RBFOX1: variants seen among roughly 807,000 people sequenced by gnomAD.
RBFOX1 encodes RNA binding protein fox-1 homolog 1.
A neutral mutation model predicts 57.7 loss-of-function variants in RBFOX1; 8 were observed. The ratio of observed to expected loss-of-function variants is 0.14; its 90% CI spans 0.08 to 0.25. The LOEUF (loss-of-function observed/expected upper bound fraction) is 0.25, where lower values mean the gene tolerates loss of function less well. Among genes scored for constraint, RBFOX1 ranks in the 10% least tolerant of loss-of-function variants. RBFOX1 has a pLI of 1.00. For synonymous variants in RBFOX1, 326 were observed against 222.4 expected, an observed-to-expected ratio of 1.47 and a Z score of -4.15; for missense variants, 611 against 548.5, an observed-to-expected ratio of 1.11 and a Z score of -1.14.
At chr16:7,228,372 CATT>C (rs2093285101) in intron 4 of RBFOX1, among the ~76,000 whole-genome samples, 1 of 152,134 alleles carries the variant, frequency 6.6e-6, no homozygotes, top group South Asian at 2.1e-4. Flanking sequence ...CCCCCGCTGT[CATT>C]ATCAAGTGAG....
intron 1 of RBFOX1, among the ~76,000 whole-genome samples, chr16:5,386,920 G>A (rs1032200320): frequency 8.5e-5 from 13 of 152,132 alleles, no homozygotes; most frequent in Non-Finnish European, 5.9e-5. Context: ...GCGTGGTGGT[G>A]GGTGCCTGTA....
intron 4 of RBFOX1, among the ~76,000 whole-genome samples, chr16:5,968,159 C>G (rs1178839287): frequency 1.3e-5 from 2 of 152,150 alleles, no homozygotes; most frequent in African/African-American, 4.8e-5. Context: ...ACTGCAACCT[C>G]CACCTCCTGG....
intron 2 of RBFOX1, among the ~76,000 whole-genome samples, chr16:6,341,358 T>C (rs1208435305): frequency 6.6e-6 from 1 of 152,160 alleles, no homozygotes; most frequent in Non-Finnish European, 1.5e-5. Flanking sequence ...TTTTACCTCG[T>C]TCTTCTCCAT....
At chr16:6,216,589 G>A (rs973399040) in intron 1 of RBFOX1, among the ~76,000 whole-genome samples, 1 of 152,202 alleles carries the variant, frequency 6.6e-6, no homozygotes, top group African/African-American at 2.4e-5. Flanking sequence ...CAAAAGCAAA[G>A]TATCCAACAA....
chr16:6,648,362 C>A (rs767478500), intron 2 of RBFOX1, among the ~76,000 whole-genome samples: 1 of 148,748 alleles, frequency 6.7e-6, no homozygotes, highest in Non-Finnish European at 1.5e-5. Flanking sequence ...TAACTGGCTC[C>A]CAGGGGCATC....
At chr16:7,195,909 G>C (rs2086584502) in intron 4 of RBFOX1, among the ~76,000 whole-genome samples, 2 of 151,928 alleles carry the variant, frequency 1.3e-5, no homozygotes, top group African/African-American at 4.8e-5. Flanking sequence ...ATGTGTCACT[G>C]AATAAAGGTT....
intron 3 of RBFOX1, among the ~76,000 whole-genome samples, chr16:5,745,431 GA>G (rs1350531905): frequency 6.6e-6 from 1 of 152,170 alleles, no homozygotes; most frequent in Non-Finnish European, 1.5e-5. Context: ...ATAGCAGCAT[GA>G]TTTACAATCC....
intron 1 of RBFOX1, among the ~76,000 whole-genome samples, chr16:6,103,688 G>A (rs989017226): frequency 1.3e-5 from 2 of 152,074 alleles, no homozygotes; most frequent in Non-Finnish European, 2.9e-5. Context: ...AGGATCTGGG[G>A]GTGGGAAATG....
chr16:5,826,791 A>G (rs1461926521), intron 3 of RBFOX1, among the ~76,000 whole-genome samples: 1 of 152,188 alleles, frequency 6.6e-6, no homozygotes. Flanking sequence ...TATAATTCCA[A>G]ATATATTATT....
chr16:7,706,897 A>G (rs992304368), intron 14 of RBFOX1, among the ~76,000 whole-genome samples: 1 of 152,172 alleles, frequency 6.6e-6, no homozygotes, highest in East Asian at 1.9e-4. Context: ...CTCTCTGAAT[A>G]TATTATTATT....
chr16:5,618,161 T>C (rs1219560532), intron 3 of RBFOX1, among the ~76,000 whole-genome samples: 1 of 152,198 alleles, frequency 6.6e-6, no homozygotes, highest in African/African-American at 2.4e-5. Flanking sequence ...CCAACAGCTC[T>C]CCCTACTCTG....
At chr16:6,477,391 C>G (rs1233950470) in intron 2 of RBFOX1, among the ~76,000 whole-genome samples, 1 of 152,184 alleles carries the variant, frequency 6.6e-6, no homozygotes, top group African/African-American at 2.4e-5. Context: ...CATTAACAGG[C>G]ACGAACAGAA....
At chr16:7,120,840 C>CACACACACACACTCAT (rs1555491066) in intron 4 of RBFOX1, among the ~76,000 whole-genome samples, 3 of 145,620 alleles carry the variant, frequency 2.1e-5, no homozygotes, top group African/African-American at 7.8e-5. Context: ...TACACACACA[C>CACACACACACACTCAT]ACACACACAC....
chr16:7,155,942 G>A (rs1398573951), intron 4 of RBFOX1, among the ~76,000 whole-genome samples: 1 of 151,258 alleles, frequency 6.6e-6, no homozygotes, highest in Non-Finnish European at 1.5e-5. Flanking sequence ...ATTAAAAACT[G>A]ATCTATTTTT....
chr16:5,890,355 G>A (rs1044892625), intron 4 of RBFOX1, among the ~76,000 whole-genome samples: 1 of 152,200 alleles, frequency 6.6e-6, no homozygotes, highest in Non-Finnish European at 1.5e-5. Flanking sequence ...TTTCACAGCT[G>A]AGTAAACGGA....
chr16:7,111,832 T>A (rs181057917), intron 4 of RBFOX1, among the ~76,000 whole-genome samples: 27 of 152,252 alleles, frequency 1.8e-4, no homozygotes, highest in Admixed American at 1.2e-3. Context: ...GTAAACTTTA[T>A]AATTCCAGGG....
In RBFOX1 at chr16:6,466,006, A is replaced by G. The variant is rs140460417; in HGVS notation, c.-64+148949A>G. Among the ~76,000 whole-genome samples the G allele has an allele frequency of 1.3e-3, 197 of 152,118 alleles. 1 individual carries two copies. The highest frequency in any genetic ancestry group is 4.5e-3 in the African/African-American group (185 of 41,480). On this transcript the variant is annotated intron_variant, in intron 2 of 15. Coordinates refer to ENST00000550418, the MANE Select transcript of RBFOX1 (RefSeq NM_018723.4). ...CATATTGAGAGGCTGAGGTGGGTGG[A>G]TCACTTGAGGTCACGAGTTTGAGAC...
At chr16:6,017,756 T>C (rs1290101319), upstream of RBFOX1, among the ~76,000 whole-genome samples, 1 of 152,196 alleles carries the variant, frequency 6.6e-6, no homozygotes, top group African/African-American at 2.4e-5. Context: ...CGCAGCCCGA[T>C]AGGATTGCAA....
chr16:5,761,322 C>T (rs186348278), intron 3 of RBFOX1, among the ~76,000 whole-genome samples: 13 of 152,182 alleles, frequency 8.5e-5, no homozygotes, highest in African/African-American at 3.1e-4. Flanking sequence ...TTTCTAGCCA[C>T]TCAGCTGCAA....
Sources: allele counts gnomAD v4.1 joint callset (sites outside exome capture counted in the v4.1 genomes callset), GRCh38; gene constraint gnomAD v4.1.1; transcripts MANE v1.5; gene names NCBI Gene and HGNC (gene_info 2026-07-23, HGNC 2026-07-21).